The following PRKG1 variants were observed in gnomAD, a reference collection of about 807,000 sequenced individuals.
PRKG1 encodes the protein protein kinase cGMP-dependent 1.
Under a neutral mutation model 88.1 loss-of-function variants are expected in PRKG1, and 35 were observed. The ratio of observed to expected loss-of-function variants is 0.40; its 90% CI spans 0.30 to 0.53. The LOEUF (loss-of-function observed/expected upper bound fraction) is 0.53. Ranked by LOEUF, PRKG1 falls within the 20% of genes least tolerant of loss-of-function variation. The pLI is 0.59. For synonymous variants in PRKG1, 303 were observed against 292.5 expected (o/e 1.04, Z -0.37); for missense variants, 540 against 839.8 (o/e 0.64, Z 4.41).
intron 7 of PRKG1, among the ~76,000 whole-genome samples, chr10:52,130,879 C>G (rs762448050): frequency 6.6e-6 from 1 of 152,148 alleles, no homozygotes; most frequent in Non-Finnish European, 1.5e-5. Flanking sequence ...CCAGATAGAG[C>G]CTCCACAGAG....
intron 1 of PRKG1, among the ~76,000 whole-genome samples, chr10:51,047,237 G>C (rs1015951516): frequency 1.3e-5 from 2 of 152,166 alleles, no homozygotes; most frequent in African/African-American, 4.8e-5. Context: ...AATGGTTAAA[G>C]AGCTAGATTC....
chr10:52,144,755 T>A (rs1837685246), intron 8 of PRKG1, among the ~76,000 whole-genome samples: 1 of 152,102 alleles, frequency 6.6e-6, no homozygotes, highest in Non-Finnish European at 1.5e-5. Context: ...AGGTGGAGGT[T>A]GCAGTGAGCT....
At chr10:52,283,651 G>C (rs1842050050) in intron 14 of PRKG1, among the ~76,000 whole-genome samples, 1 of 152,010 alleles carries the variant, frequency 6.6e-6, no homozygotes, top group African/African-American at 2.4e-5. Flanking sequence ...AGTGTGGATT[G>C]TTCAATTTTG....
intron 5 of PRKG1, among the ~76,000 whole-genome samples, chr10:51,997,712 A>C (rs1162977945): frequency 1.3e-5 from 2 of 152,170 alleles, no homozygotes; most frequent in East Asian, 1.9e-4. Context: ...CAATTTTAGT[A>C]AATTCTAGTA....
intron 4 of PRKG1, among the ~76,000 whole-genome samples, chr10:51,857,624 G>C (rs1052202856): frequency 1.9e-4 from 29 of 152,252 alleles, no homozygotes; most frequent in Admixed American, 6.5e-4. Flanking sequence ...TCCTGGCTTT[G>C]TTTGCGTGTT....
chr10:52,267,114 C>G (rs554782408), intron 10 of PRKG1, among the ~76,000 whole-genome samples: 4 of 152,030 alleles, frequency 2.6e-5, no homozygotes, highest in African/African-American at 9.6e-5. Context: ...TTAATTTAGA[C>G]AACAGGAAAA....
chr10:51,615,975 G>A lies in PRKG1; in HGVS notation c.592+148139G>A, dbSNP rs543123033. On this transcript the variant is annotated intron_variant, in intron 3 of 17. Transcript: ENST00000373980. ...CATTTTTAAAATTTGCTTTTGTAGG[G>A]CAGGACTTTTTCCTGAAAGTTTTGT... 2.0e-5 allele frequency among the ~76,000 whole-genome samples: 3 copies of A among 152,202 alleles called. No homozygotes were observed. In the South Asian group the frequency reaches 6.2e-4, roughly 32 times the overall value.
At chr10:52,229,393 T>C (rs1333661663) in intron 9 of PRKG1, among the ~76,000 whole-genome samples, 2 of 152,220 alleles carry the variant, frequency 1.3e-5, no homozygotes, top group African/African-American at 2.4e-5. Context: ...ATATCCTCTG[T>C]ACCTCTGGAA....
intron 1 of PRKG1, chr10:51,148,308 A>C: frequency 1.0e-6 from 1 of 977,094 alleles, no homozygotes; most frequent in Non-Finnish European, 1.2e-6. Context: ...ATTTGATCCC[A>C]AAGTTGACCA....
chr10:51,070,345 A>G (rs1226926532), upstream of PRKG1, among the ~76,000 whole-genome samples: 1 of 152,174 alleles, frequency 6.6e-6, no homozygotes, highest in Non-Finnish European at 1.5e-5. Context: ...ATGATTAGCA[A>G]CTTAGAACAG....
intron 2 of PRKG1, among the ~76,000 whole-genome samples, chr10:51,292,522 T>A (rs2132224395): frequency 6.6e-6 from 1 of 152,278 alleles, no homozygotes; most frequent in East Asian, 1.9e-4. Context: ...TACCTTTGAA[T>A]CTTGTTCAAT....
intron 2 of PRKG1, among the ~76,000 whole-genome samples, chr10:51,164,639 A>G (rs373756560): frequency 1.3e-5 from 2 of 152,116 alleles, no homozygotes; most frequent in Non-Finnish European, 2.9e-5. Flanking sequence ...CAAAGAAGTT[A>G]AAAACTTTGA....
chr10:51,199,194 G>T (rs1837849735), intron 2 of PRKG1, among the ~76,000 whole-genome samples: 1 of 152,130 alleles, frequency 6.6e-6, no homozygotes, highest in African/African-American at 2.4e-5. Flanking sequence ...GGGAGGGGAG[G>T]TATCAGTCTA....
intron 2 of PRKG1, among the ~76,000 whole-genome samples, chr10:51,213,759 T>G (rs765905967): frequency 6.7e-4 from 96 of 142,452 alleles, no homozygotes; most frequent in Non-Finnish European, 1.3e-3. Flanking sequence ...TTTTATGAAG[T>G]GTGTGGGTGT....
chr10:51,991,260 A>C (rs1434125389), intron 5 of PRKG1, among the ~76,000 whole-genome samples: 6 of 152,104 alleles, frequency 3.9e-5, no homozygotes, highest in Non-Finnish European at 7.3e-5. Flanking sequence ...TTCAATATGT[A>C]AGATTGTTCT....
intron 2 of PRKG1, among the ~76,000 whole-genome samples, chr10:51,307,130 A>G (rs894922264): frequency 6.6e-6 from 1 of 152,082 alleles, no homozygotes; most frequent in African/African-American, 2.4e-5. Context: ...ATTATTATAC[A>G]GTGTTAATAT....
chr10:51,352,804 G>A (rs577569488), intron 2 of PRKG1, among the ~76,000 whole-genome samples: 9 of 152,010 alleles, frequency 5.9e-5, no homozygotes, highest in Middle Eastern at 3.4e-3. Flanking sequence ...AAGAGTCAAA[G>A]TTATATTGAG....
intron 1 of PRKG1, among the ~76,000 whole-genome samples, chr10:51,026,974 T>G (rs1219431061): frequency 6.6e-6 from 1 of 152,178 alleles, no homozygotes; most frequent in Non-Finnish European, 1.5e-5. Context: ...GGACCTATAA[T>G]CAAATCTATA....
chr10:51,227,176 TTA>T (rs200859031), intron 2 of PRKG1, among the ~76,000 whole-genome samples: 27 of 149,934 alleles, frequency 1.8e-4, no homozygotes, highest in East Asian at 7.8e-4. Flanking sequence ...GTACATATAT[TTA>T]TATATATATA....
Sources: gnomAD v4.1 joint callset for allele counts (sites outside exome capture counted in the v4.1 genomes callset) on GRCh38, gnomAD v4.1.1 for gene constraint, MANE v1.5 for transcripts, NCBI Gene and HGNC (gene_info 2026-07-23, HGNC 2026-07-21) for gene names.